The following LRP1B variants were observed in gnomAD, a reference collection of about 807,000 sequenced individuals.
LRP1B encodes the protein LDL receptor related protein 1B.
A neutral mutation model predicts 556.6 loss-of-function variants in LRP1B; 217 were observed. That is an observed-to-expected ratio of 0.39 (90% CI 0.35 to 0.44). LRP1B has a LOEUF of 0.44. LRP1B is among the 20% of genes least tolerant of loss of function. The probability of loss-of-function intolerance (pLI) is 1.00; values close to 1 mark genes in which losing one functional copy is unlikely to be tolerated. For synonymous variants in LRP1B, 2,047 were observed against 1,865.8 expected, an observed-to-expected ratio of 1.10 and a Z score of -2.50; for missense variants, 5,053 against 5,620.8, an observed-to-expected ratio of 0.90 and a Z score of 3.23.
chr2:142,101,947 G>C (rs1706581345), intron 1 of LRP1B, among the ~76,000 whole-genome samples: 1 of 151,962 alleles, frequency 6.6e-6, no homozygotes, highest in African/African-American at 2.4e-5. Context: ...ATAGTATGGA[G>C]AGAGAAAACT....
chr2:142,070,036 T>C (rs1705252494), intron 1 of LRP1B, among the ~76,000 whole-genome samples: 1 of 151,802 alleles, frequency 6.6e-6, no homozygotes, highest in Non-Finnish European at 1.5e-5. Context: ...AGACCTCTTC[T>C]TAGCCTTGTA....
At chr2:141,190,267 A>G (rs1681449977) in intron 6 of LRP1B, among the ~76,000 whole-genome samples, 1 of 152,012 alleles carries the variant, frequency 6.6e-6, no homozygotes, top group African/African-American at 2.4e-5. Flanking sequence ...GTGAGTATGC[A>G]TGTAATAAAT....
At chr2:141,210,274 G>C (rs1373628845) in intron 6 of LRP1B, among the ~76,000 whole-genome samples, 2 of 151,202 alleles carry the variant, frequency 1.3e-5, no homozygotes, top group African/African-American at 4.9e-5. Context: ...CATGTTACCT[G>C]ACAAAAATCC....
At chr2:142,126,434 C>G (rs1395234742) in intron 1 of LRP1B, among the ~76,000 whole-genome samples, 1 of 151,774 alleles carries the variant, frequency 6.6e-6, no homozygotes, top group African/African-American at 2.4e-5. Context: ...TAAACACACA[C>G]AGAGAGAGAT....
rs368799355 is a variant in LRP1B at position 141,388,814 on chromosome 2, C to T, written c.343+91582G>A. ...CTATTTAAAAATTCAGCAAATTTGCCGGGCACATGATTGACACACAAAAAT... is the reference window on the plus strand; with the variant it reads ...CTATTTAAAAATTCAGCAAATTTGCTGGGCACATGATTGACACACAAAAAT... On this transcript the variant is annotated intron_variant, in intron 3 of 90. Transcript: ENST00000389484. Among the ~76,000 whole-genome samples, 6 of 151,946 alleles carry T rather than the reference C, an allele frequency of 3.9e-5. No individual in the cohort carries two copies. In the East Asian group the frequency reaches 5.8e-4, roughly 15 times the overall value.
intron 41 of LRP1B, among the ~76,000 whole-genome samples, chr2:140,653,232 G>A (rs77887019): frequency 0.062 from 9,423 of 151,904 alleles, 337 homozygotes; most frequent in Admixed American, 0.078. Context: ...GAAACCTCCC[G>A]GACTATACAA....
At chr2:141,018,469 TA>T (rs1211692114) in intron 12 of LRP1B, among the ~76,000 whole-genome samples, 4 of 152,120 alleles carry the variant, frequency 2.6e-5, no homozygotes, top group Admixed American at 2.6e-4. Context: ...TATAGGTTTC[TA>T]ATATAATCTG....
intron 7 of LRP1B, 106 bp downstream of exon 7, chr2:141,188,315 A>T: frequency 9.3e-7 from 1 of 1,070,524 alleles, no homozygotes; most frequent in Non-Finnish European, 1.4e-6. Flanking sequence ...ATTTCTAAAA[A>T]GTTTGAGTCT....
rs547609402 is a variant in LRP1B at position 141,619,428 on chromosome 2, C to T, written c.206-138895G>A. Among the ~76,000 whole-genome samples the T allele has an allele frequency of 4.6e-5, 7 of 152,070 alleles. No homozygotes were observed. The South Asian group carries it at 1.2e-3, about 27-fold the overall frequency. On this transcript the variant is annotated intron_variant, in intron 2 of 90. Transcript: ENST00000389484. ...ATAATAAATGAACAATGCATATGAGCGGAACTGAAGAGGTAGGATCTGGAG... is the reference window on the plus strand; with the variant it reads ...ATAATAAATGAACAATGCATATGAGTGGAACTGAAGAGGTAGGATCTGGAG...
chr2:140,703,369 T>C (rs1686715085), intron 37 of LRP1B, among the ~76,000 whole-genome samples: 1 of 152,080 alleles, frequency 6.6e-6, no homozygotes, highest in Admixed American at 6.6e-5. Context: ...AAAAACAGAA[T>C]GTACATAATC....
intron 31 of LRP1B, among the ~76,000 whole-genome samples, chr2:140,821,055 G>C (rs182079176): frequency 3.8e-4 from 58 of 152,008 alleles, no homozygotes; most frequent in Non-Finnish European, 5.3e-4. Context: ...TGTATGATGA[G>C]CATAGTACTC....
chr2:140,614,307 T>C (rs1683183867), intron 41 of LRP1B, among the ~76,000 whole-genome samples: 1 of 152,136 alleles, frequency 6.6e-6, no homozygotes, highest in South Asian at 2.1e-4. Context: ...TGCTATATCC[T>C]TCTCTTTAAT....
chr2:140,255,884 T>C (rs1009872275), intron 86 of LRP1B, among the ~76,000 whole-genome samples: 9 of 152,262 alleles, frequency 5.9e-5, no homozygotes, highest in African/African-American at 2.2e-4. Context: ...GAAAATAAGT[T>C]GTTAAATTTT....
rs1198211801 is a variant in LRP1B, at chr2:141,795,857, AATATATATATATATATATATATAT to A, written c.205+14398_205+14421del. On this transcript the variant is annotated intron_variant, in intron 2 of 90. Coordinates refer to ENST00000389484, the MANE Select transcript of LRP1B (RefSeq NM_018557.3). Reference sequence around the variant, plus strand: ...GAAATAGAGAATGAAAACCAGGAGCAATATATATATATATATATATATATATATATATATATATATATAATCTTT... The same window carrying A: ...GAAATAGAGAATGAAAACCAGGAGCAATATATATATATATATATAATCTTT... Among the ~76,000 whole-genome samples the A allele has an allele frequency of 3.4e-3, 177 of 51,614 alleles. 4 individuals are homozygous for A. The highest frequency in any genetic ancestry group is 0.011 in the Middle Eastern group (1 of 92). 33.9% of individuals were successfully genotyped at this position (51,614 alleles called of 152,430 possible).
chr2:141,423,306 T>G (rs1680217938), intron 3 of LRP1B, among the ~76,000 whole-genome samples: 1 of 124,164 alleles, frequency 8.1e-6, no homozygotes. Context: ...TTTTTTTTTT[T>G]TTTTTTTTTT....
chr2:140,370,677 A>G, intron 71 of LRP1B, 33 bp downstream of exon 71: 1 of 1,609,658 alleles, frequency 6.2e-7, no homozygotes, highest in South Asian at 1.1e-5. Context: ...TCATTCTCTC[A>G]TTTACAGGCA....
chr2:141,810,156 AGAAAGAAAGAAG>A (rs879412045), intron 2 of LRP1B, 111 bp downstream of exon 2: 27,070 of 464,142 alleles, frequency 0.058, 2,445 homozygotes, highest in African/African-American at 0.17. Flanking sequence ...AAAGAAAGAA[AGAAAGAAAGAAG>A]GAAAGAAAGA....
chr2:141,503,077 A>G (rs1015968473), intron 2 of LRP1B, among the ~76,000 whole-genome samples: 3 of 149,594 alleles, frequency 2.0e-5, no homozygotes, highest in Middle Eastern at 3.5e-3. Context: ...AAATAGAAGA[A>G]TTTCAATTGT....
At chr2:140,733,242 C>T (rs288115) in intron 35 of LRP1B, among the ~76,000 whole-genome samples, 136,867 of 152,110 alleles carry the variant, frequency 0.9, 61,984 homozygotes, top group Non-Finnish European at 0.96. Context: ...TAACCCTTTC[C>T]TTAAAACACA....
Sources: gnomAD v4.1 joint callset for allele counts (sites outside exome capture counted in the v4.1 genomes callset) on GRCh38, gnomAD v4.1.1 for gene constraint, MANE v1.5 for transcripts, NCBI Gene and HGNC (gene_info 2026-07-23, HGNC 2026-07-21) for gene names.